The following LRRTM4 variants were observed in gnomAD, a reference collection of about 807,000 sequenced individuals.
The protein encoded by LRRTM4 is leucine-rich repeat transmembrane neuronal protein 4.
In LRRTM4, 25 loss-of-function variants were observed where a neutral mutation model predicts 47.6. The ratio of observed to expected loss-of-function variants is 0.53; its 90% CI spans 0.38 to 0.73. The LOEUF (loss-of-function observed/expected upper bound fraction) is 0.73. LRRTM4 is among the 30% of genes least tolerant of loss of function. The pLI, the probability that LRRTM4 is intolerant of heterozygous loss-of-function variation, is 0.00. For synonymous variants in LRRTM4, 311 were observed against 269.5 expected, an observed-to-expected ratio of 1.15 and a Z score of -1.51; for missense variants, 638 against 713.4, an observed-to-expected ratio of 0.89 and a Z score of 1.20.
At chr2:77,299,129 T>C (rs1331849485) in intron 3 of LRRTM4, among the ~76,000 whole-genome samples, 1 of 151,988 alleles carries the variant, frequency 6.6e-6, no homozygotes. Flanking sequence ...AATATAGGAA[T>C]AGCAATTACA....
At chr2:77,444,990 A>C (rs920744771) in intron 3 of LRRTM4, among the ~76,000 whole-genome samples, 15 of 145,736 alleles carry the variant, frequency 1.0e-4, no homozygotes, top group African/African-American at 2.5e-4. Context: ...AAAAAAAAAA[A>C]CACTAAATTA....
At chr2:76,807,410 A>G (rs1205907918) in intron 3 of LRRTM4, among the ~76,000 whole-genome samples, 5 of 79,856 alleles carry the variant, frequency 6.3e-5, no homozygotes, top group African/African-American at 1.9e-4. Flanking sequence ...GTATATACGT[A>G]TATATATATA....
chr2:76,791,304 G>A (rs528704541), intron 3 of LRRTM4, among the ~76,000 whole-genome samples: 6 of 151,536 alleles, frequency 4.0e-5, no homozygotes, highest in South Asian at 2.1e-4. Context: ...CAATAATATT[G>A]GGAACCATCA....
intron 3 of LRRTM4, among the ~76,000 whole-genome samples, chr2:77,191,104 GT>G (rs1463876993): frequency 6.6e-6 from 1 of 152,034 alleles, no homozygotes; most frequent in Non-Finnish European, 1.5e-5. Context: ...AGCACTGTAA[GT>G]TTTTAAAAAC....
chr2:76,784,169 A>G (rs981567757), intron 3 of LRRTM4, among the ~76,000 whole-genome samples: 5 of 152,278 alleles, frequency 3.3e-5, no homozygotes, highest in African/African-American at 9.6e-5. Context: ...TACACACACA[A>G]AAAGGAAGCA....
chr2:77,518,661 C>T lies in LRRTM4; in HGVS notation c.1208G>A (p.Ser403Asn), dbSNP rs763423495. 6.2e-7 allele frequency: 1 copy of T among 1,613,380 alleles called. No homozygotes were observed. The highest frequency in any genetic ancestry group is 8.5e-7 in the Non-Finnish European group (1 of 1,179,620). ...DVTQSTFETPSPSPGFQIPGA... is the reference protein window; with the variant it reads ...DVTQSTFETPNPSPGFQIPGA... ...AGGAATCTGAAACCCTGGGGAAGGG[C>T]TTGGTGTTTCAAAGGTGGATTGGGT... is the stretch of plus-strand genomic sequence containing the variant. The change falls in exon 3 of 4, where the codon AGC becomes AAC. Residue 403 changes from serine (S) to asparagine (N), a missense_variant. Transcript: ENST00000409884.
At chr2:77,209,171 G>C (rs953376491) in intron 3 of LRRTM4, among the ~76,000 whole-genome samples, 1 of 152,074 alleles carries the variant, frequency 6.6e-6, no homozygotes, top group African/African-American at 2.4e-5. Flanking sequence ...CAACCTAGGA[G>C]AGAAATTATA....
At chr2:77,423,544 C>T (rs1017450094) in intron 3 of LRRTM4, among the ~76,000 whole-genome samples, 1 of 152,088 alleles carries the variant, frequency 6.6e-6, no homozygotes, top group African/African-American at 2.4e-5. Flanking sequence ...TCATCAGTAA[C>T]AAGTCCCTTC....
intron 3 of LRRTM4, among the ~76,000 whole-genome samples, chr2:77,216,624 T>G (rs1394600899): frequency 6.6e-6 from 1 of 152,190 alleles, no homozygotes; most frequent in Non-Finnish European, 1.5e-5. Context: ...CCCCTGAAGA[T>G]AGCTTGTTCA....
At chr2:76,892,788 T>C (rs1336587643) in intron 3 of LRRTM4, among the ~76,000 whole-genome samples, 1 of 151,722 alleles carries the variant, frequency 6.6e-6, no homozygotes, top group Non-Finnish European at 1.5e-5. Flanking sequence ...AAATGAAGTA[T>C]GTATCATTTC....
chr2:77,392,481 T>C lies in LRRTM4; in HGVS notation c.1551+125837A>G, dbSNP rs946102719. On this transcript the variant is annotated intron_variant, in intron 3 of 3. Transcript: ENST00000409884. ...TTGGTTTACACCATCAATGGATGAA[T>C]GGATAAAGACAATGTAGTATATATA... Among the ~76,000 whole-genome samples the C allele has an allele frequency of 2.0e-5, 3 of 152,150 alleles. No homozygotes were observed. In the South Asian group the frequency reaches 6.2e-4, roughly 32 times the overall value.
chr2:77,044,262 A>G (rs974757244), intron 3 of LRRTM4, among the ~76,000 whole-genome samples: 3 of 151,688 alleles, frequency 2.0e-5, no homozygotes, highest in African/African-American at 7.3e-5. Flanking sequence ...TTTAAAGGTA[A>G]TATTATTTTA....
At chr2:77,142,219 T>C (rs575503262) in intron 3 of LRRTM4, among the ~76,000 whole-genome samples, 1 of 152,276 alleles carries the variant, frequency 6.6e-6, no homozygotes, top group East Asian at 1.9e-4. Context: ...ATTAGAACAT[T>C]TACAACATCA....
intron 3 of LRRTM4, among the ~76,000 whole-genome samples, chr2:76,877,618 T>C (rs781004718): frequency 5.3e-5 from 8 of 152,174 alleles, no homozygotes; most frequent in African/African-American, 7.2e-5. Context: ...TTCAGGAATA[T>C]ATAACAAGAA....
rs1458743533 is a variant in LRRTM4, at chr2:77,117,937, A to C, written c.1552-369021T>G. Among the ~76,000 whole-genome samples, 12 of 152,068 alleles carry C rather than the reference A, an allele frequency of 7.9e-5. No homozygotes were observed. The East Asian group carries it at 2.3e-3, about 29-fold the overall frequency. ...TGTATTATAGAATAACTTGGTCTCC[A>C]TCTGCAAAATTCAAGCATCACAGTG... On this transcript the variant is annotated intron_variant, in intron 3 of 3. Coordinates refer to ENST00000409884, the MANE Select transcript of LRRTM4 (RefSeq NM_001134745.3).
At chr2:76,815,797 T>C (rs1395060373) in intron 3 of LRRTM4, among the ~76,000 whole-genome samples, 1 of 152,080 alleles carries the variant, frequency 6.6e-6, no homozygotes, top group Non-Finnish European at 1.5e-5. Context: ...CATGGAATAA[T>C]GTAAAACAAA....
At chr2:77,268,896 C>T (rs972340901) in intron 3 of LRRTM4, among the ~76,000 whole-genome samples, 6 of 152,058 alleles carry the variant, frequency 3.9e-5, no homozygotes, top group Admixed American at 2.0e-4. Flanking sequence ...AATGCCTCTC[C>T]GGGAATACTT....
rs75721965 is a variant in LRRTM4 at position 77,097,379 on chromosome 2, G to C, written c.1552-348463C>G. 8.0e-3 allele frequency among the ~76,000 whole-genome samples: 1,210 copies of C among 151,954 alleles called. 11 individuals are homozygous for C. The highest frequency in any genetic ancestry group is 0.041 in the Middle Eastern group (12 of 294). On this transcript the variant is annotated intron_variant, in intron 3 of 3. Transcript: ENST00000409884. ...ATGTCACTATCACAACTTACTTGGG[G>C]ATATTTACAAAACTTTGCATTTGGT...
rs1018840482 is a variant in LRRTM4 at position 77,033,356 on chromosome 2, C to T, written c.1552-284440G>A. 2.6e-5 allele frequency among the ~76,000 whole-genome samples: 4 copies of T among 151,680 alleles called. No homozygotes were observed. In the South Asian group the frequency reaches 6.2e-4, roughly 24 times the overall value. On this transcript the variant is annotated intron_variant, in intron 3 of 3. Transcript: ENST00000409884. ...TTATTAAAAAAATCTTTATCGAAGT[C>T]TAACAGCAATGAAAGACATTTTCCA... is the stretch of plus-strand genomic sequence containing the variant.
Sources: allele counts gnomAD v4.1 joint callset (sites outside exome capture counted in the v4.1 genomes callset), GRCh38; gene constraint gnomAD v4.1.1; transcripts MANE v1.5; gene names NCBI Gene and HGNC (gene_info 2026-07-23, HGNC 2026-07-21).